Variants in LRRC56 observed in about 807,000 individuals in gnomAD.
LRRC56 encodes the protein leucine rich repeat containing 56, also known as leucine-rich repeat-containing protein 56.
A neutral mutation model predicts 47.8 loss-of-function variants in LRRC56; 41 were observed. The ratio of observed to expected loss-of-function variants is 0.86; its 90% CI spans 0.67 to 1.11. The LOEUF (loss-of-function observed/expected upper bound fraction) is 1.11. Ranked by LOEUF, LRRC56 falls within the 50% of genes most tolerant of loss-of-function variation. The probability of loss-of-function intolerance (pLI) is 0.00; values close to 1 mark genes in which losing one functional copy is unlikely to be tolerated. For missense variants in LRRC56, 759 were observed against 704.2 expected, an observed-to-expected ratio of 1.08 and a Z score of -0.88; for synonymous variants, 387 against 311.2, an observed-to-expected ratio of 1.24 and a Z score of -2.56.
chr11:534,474 C>G, upstream of LRRC56: 6 of 644,876 alleles, frequency 9.3e-6, no homozygotes, highest in Non-Finnish European at 1.1e-5. Flanking sequence ...CCACAGCGGT[C>G]CCTGGGCCCC....
upstream of LRRC56, chr11:533,459 G>A (rs2133986188): frequency 1.9e-6 from 3 of 1,613,290 alleles, no homozygotes; most frequent in Non-Finnish European, 2.5e-6. Flanking sequence ...TCACCTGCCG[G>A]GTCTTGGCCG....
In LRRC56 at chr11:551,281, G is replaced by A. The variant is rs1054027491; in HGVS notation, c.775G>A (p.Gly259Ser). The stretch of plus-strand genomic sequence containing the variant: ...TGCGGTGAAGGAGGCCATCAAGAAG[G>A]GCAACGGCCTTCCCCCGCTGGGTAC... ...WLAVKEAIKK[G>S]NGLPPLDCPR... Residue 259 changes from glycine (G) to serine (S), a missense_variant, in exon 9 of 14, where the codon GGC becomes AGC. By Grantham distance (56) the Gly-to-Ser change is moderately conservative (BLOSUM62 0). Coordinates refer to ENST00000270115, the MANE Select transcript of LRRC56 (RefSeq NM_198075.4). 5.9e-6 allele frequency: 9 copies of A among 1,531,636 alleles called. No homozygotes were observed. In the African/African-American group the frequency reaches 1.2e-4, roughly 21 times the overall value. The allele number at this position is 1,531,636 out of a possible 1,614,324, so 94.9% of individuals were successfully genotyped here.
chr11:519,008 G>C, the LRRC56 span, among the ~76,000 whole-genome samples: 5 of 152,066 alleles, frequency 3.3e-5, no homozygotes, highest in African/African-American at 4.8e-5. Flanking sequence ...GCGAGGCGCC[G>C]CACGGGGGAG....
chr11:551,060 G>C, intron 8 of LRRC56, 71 bp from the exon 9 acceptor site: 1 of 931,982 alleles, frequency 1.1e-6, no homozygotes, highest in East Asian at 3.1e-5. Flanking sequence ...AAGGGAGCCA[G>C]GGAAAGAGCT....
the LRRC56 span, among the ~76,000 whole-genome samples, chr11:522,143 C>T: frequency 6.6e-6 from 1 of 151,904 alleles, no homozygotes; most frequent in Non-Finnish European, 1.5e-5. Flanking sequence ...TGCAGTGGTA[C>T]GATCACGGCT....
chr11:523,780 T>C, the LRRC56 span, among the ~76,000 whole-genome samples: 1 of 151,698 alleles, frequency 6.6e-6, no homozygotes, highest in Admixed American at 6.6e-5. Context: ...ATACAAAAAT[T>C]AGCCGGGTGT....
intron 5 of LRRC56, among the ~76,000 whole-genome samples, chr11:543,910 G>T (rs934616170): frequency 6.6e-6 from 1 of 152,228 alleles, no homozygotes; most frequent in East Asian, 1.9e-4. Flanking sequence ...CACCATACCC[G>T]GCTAATTTTT....
chr11:534,312 T>G (rs764622691), upstream of LRRC56: 1 of 1,612,688 alleles, frequency 6.2e-7, no homozygotes, highest in African/African-American at 1.3e-5. Flanking sequence ...CACCAGCTTA[T>G]ATTCCGTCAT....
intron 13 of LRRC56, 117 bp from the exon 14 acceptor site, chr11:553,846 C>T (rs930266580): frequency 3.6e-6 from 3 of 827,230 alleles, no homozygotes; most frequent in Non-Finnish European, 3.9e-6. Flanking sequence ...TGCCTGTGGA[C>T]CCCCAAGGAC....
intron 13 of LRRC56, among the ~76,000 whole-genome samples, chr11:553,712 C>T (rs1307208105): frequency 6.6e-6 from 1 of 152,204 alleles, no homozygotes; most frequent in East Asian, 1.9e-4. Context: ...AGGGACAGGA[C>T]ACAGAGGACC....
the LRRC56 span, among the ~76,000 whole-genome samples, chr11:528,257 G>A: frequency 3.3e-5 from 5 of 152,250 alleles, no homozygotes; most frequent in Non-Finnish European, 5.9e-5. Context: ...CCATCGTAAG[G>A]AGGCAGCTGG....
chr11:524,682 C>A, the LRRC56 span, among the ~76,000 whole-genome samples: 3,275 of 152,028 alleles, frequency 0.022, 123 homozygotes, highest in African/African-American at 0.076. Context: ...AAAGGAAAAT[C>A]TTTTCAACAA....
chr11:554,053 C>T lies in LRRC56; in HGVS notation c.1406C>T (p.Ser469Leu), dbSNP rs1363402455. 2 of 1,611,404 alleles carry T rather than the reference C, an allele frequency of 1.2e-6. No homozygotes were observed. Among genetic ancestry groups the T allele is most frequent in the African/African-American group, 2.7e-5 (2 of 74,998 alleles). Residue 469 changes from serine to leucine, a missense_variant, in exon 14 of 14, where the codon TCG (serine) becomes TTG (leucine). Coordinates refer to ENST00000270115, the MANE Select transcript of LRRC56 (RefSeq NM_198075.4). ...RDSGSSSPRW[S>L]TDLQSRGRRL... is the part of the protein sequence containing the mutation. ...TCTGGCAGCAGCTCCCCGCGGTGGT[C>T]GACAGACCTGCAGTCCAGGGGGCGT...
intron 6 of LRRC56, among the ~76,000 whole-genome samples, chr11:546,484 C>A (rs1029574612): frequency 1.7e-4 from 26 of 151,944 alleles, no homozygotes; most frequent in Non-Finnish European, 3.5e-4. Flanking sequence ...AGGAAAATGG[C>A]GTGAACCCAG....
upstream of LRRC56, chr11:535,316 TACGCCCGCCGGCCCC>T (rs1851418010): frequency 1.5e-5 from 2 of 129,808 alleles, no homozygotes; most frequent in Admixed American, 7.5e-5. Context: ...CGCCGCCGCT[TACGCCCGCCGGCCCC>T]GCGCCCCCGG....
chr11:550,825 T>C (rs1267835687), intron 8 of LRRC56, among the ~76,000 whole-genome samples: 5 of 152,102 alleles, frequency 3.3e-5, no homozygotes, highest in Non-Finnish European at 1.5e-5. Flanking sequence ...CAGTGCCCAG[T>C]AGCTACTGCT....
chr11:552,016 G>A (rs774238913), intron 11 of LRRC56, 49 bp downstream of exon 11: 1 of 1,610,038 alleles, frequency 6.2e-7, no homozygotes, highest in South Asian at 1.1e-5. Context: ...GTCCAGGGTT[G>A]CGGCCCTGAC....
chr11:509,178 A>C, the LRRC56 span, among the ~76,000 whole-genome samples: 1 of 152,174 alleles, frequency 6.6e-6, no homozygotes, highest in Non-Finnish European at 1.5e-5. Context: ...GAGCTTGGTG[A>C]CCAGTAGCTG....
chr11:552,319 G>C, intron 12 of LRRC56, 87 bp downstream of exon 12: 2 of 1,519,254 alleles, frequency 1.3e-6, no homozygotes, highest in Non-Finnish European at 1.8e-6. Flanking sequence ...GTCATCCCCA[G>C]TCCCAAGGCT....
Sources: allele counts gnomAD v4.1 joint callset (sites outside exome capture counted in the v4.1 genomes callset), GRCh38; gene constraint gnomAD v4.1.1; transcripts MANE v1.5; gene names NCBI Gene and HGNC (gene_info 2026-07-23, HGNC 2026-07-21).